The following ADAMTSL2 variants were observed in gnomAD, a reference collection of about 807,000 sequenced individuals.
ADAMTSL2 encodes the protein ADAMTS-like protein 2.
A neutral mutation model predicts 117.0 loss-of-function variants in ADAMTSL2; 55 were observed. The observed-to-expected ratio is 0.47, with a 90% CI of 0.38 to 0.59. ADAMTSL2 has a LOEUF of 0.59. Among genes scored for constraint, ADAMTSL2 ranks in the 20% least tolerant of loss-of-function variants. The probability of loss-of-function intolerance (pLI) is 0.00; values close to 1 mark genes in which losing one functional copy is unlikely to be tolerated. For missense variants in ADAMTSL2, 1,182 were observed against 1,354.5 expected (o/e 0.87, Z 2.00); for synonymous variants, 572 against 566.4 (o/e 1.01, Z -0.14).
chr9:133,555,701 C>G lies in ADAMTSL2; in HGVS notation c.1420C>G (p.Leu474Val). ...AGGCTCTGACTTGAAGGACTTCACC[C>G]TCAATGAGACTGTGAACAGCATCTT... ...GAGSDLKDFTLNETVNSIFAQ... is the reference protein window; with the variant it reads ...GAGSDLKDFTVNETVNSIFAQ... The change falls in exon 11 of 19, where the codon CTC (leucine) becomes GTC (valine). Residue 474 changes from leucine to valine, a missense_variant. This residue lies in a region of ADAMTSL2 where 345 missense variants were observed against 325.8 expected (regional missense o/e 1.06). Transcript: ENST00000651351. The G allele has an allele frequency of 1.2e-6, 2 of 1,613,996 alleles. No individual in the cohort carries two copies. Among genetic ancestry groups the G allele is most frequent in the Non-Finnish European group, 1.7e-6 (2 of 1,180,040 alleles).
rs1466894186 is a variant in ADAMTSL2 at position 133,555,981 on chromosome 9, G to A, written c.1649+51G>A. On this transcript the variant is annotated intron_variant, in intron 11 of 18. Transcript: ENST00000651351. ...TCCAGGGCCCTCAGGGGGCAGGATG[G>A]GGCCGAGGCCAGGTAGAAAGTGAGG... is the stretch of plus-strand genomic sequence containing the variant. 4.7e-5 allele frequency: 75 copies of A among 1,594,064 alleles called. No individual in the cohort carries two copies. In the Middle Eastern group the frequency reaches 6.6e-4, roughly 14 times the overall value.
rs113918663 is a variant in ADAMTSL2, at chr9:133,541,292, C to CTTT, written c.682+303_682+305dup. ...CTGCAGGGAGGTGTTAACAATGCAC[C>CTTT]TTTTTTTTTTTTTTGAGACAGAGTC... On this transcript the variant is annotated intron_variant, in intron 7 of 18. Transcript: ENST00000651351. Among the ~76,000 whole-genome samples, 10,938 of 143,718 alleles carry CTTT rather than the reference C, an allele frequency of 0.076. 580 individuals are homozygous for CTTT. Among genetic ancestry groups the CTTT allele is most frequent in the Non-Finnish European group, 0.12 (8,000 of 65,360 alleles). 94.3% of individuals were successfully genotyped at this position (143,718 alleles called of 152,430 possible). A position where few individuals can be genotyped will look rare whatever the true frequency, so the allele number is the denominator to read the frequency against.
chr9:133,561,937 C>T (rs898613933), intron 12 of ADAMTSL2, among the ~76,000 whole-genome samples: 93 of 152,256 alleles, frequency 6.1e-4, no homozygotes, highest in Non-Finnish European at 1.2e-3. Flanking sequence ...TGGGGGATGC[C>T]GCGAGGTCTG....
At chr9:133,564,463 GGA>G (rs1830888397) in intron 12 of ADAMTSL2, among the ~76,000 whole-genome samples, 3 of 7,904 alleles carry the variant, frequency 3.8e-4, no homozygotes, top group African/African-American at 1.7e-3. Context: ...AGGGAGAGAG[GGA>G]GAGAGAGAGA....
intron 7 of ADAMTSL2, among the ~76,000 whole-genome samples, chr9:133,543,508 A>G (rs530015968): frequency 1.3e-4 from 20 of 152,316 alleles, no homozygotes; most frequent in African/African-American, 4.8e-4. Flanking sequence ...TGTGTCTCCA[A>G]AGAGCCCACT....
intron 11 of ADAMTSL2, among the ~76,000 whole-genome samples, chr9:133,559,807 C>T (rs767010060): frequency 4.6e-5 from 7 of 152,158 alleles, no homozygotes; most frequent in Admixed American, 2.0e-4. Flanking sequence ...GCCCCCAGCC[C>T]GCAGCCCTTC....
chr9:133,534,919 T>C lies in ADAMTSL2; in HGVS notation c.-151+2T>C, dbSNP rs1432091144. 4.3e-6 allele frequency: 6 copies of C among 1,393,148 alleles called. No individual in the cohort carries two copies. Among genetic ancestry groups the C allele is most frequent in the Non-Finnish European group, 5.6e-6 (6 of 1,066,640 alleles). 86.3% of individuals were successfully genotyped at this position (1,393,148 alleles called of 1,614,324 possible). On this transcript the variant is annotated splice_donor_variant, in intron 1 of 18. Coordinates refer to ENST00000651351, the MANE Select transcript of ADAMTSL2 (RefSeq NM_014694.4). LOFTEE classifies it low-confidence loss of function (5UTR_SPLICE). ...GACAACCTGCTGACCCGAAGCCAGG[T>C]AGGCCACCTCGTCCCCGTCCCCCTC...
intron 7 of ADAMTSL2, among the ~76,000 whole-genome samples, chr9:133,543,658 C>T (rs73553595): frequency 0.021 from 3,189 of 152,338 alleles, 114 homozygotes; most frequent in African/African-American, 0.072. Flanking sequence ...GGGAGATGCA[C>T]GCGGAATCCT....
Position 133,554,210 on chromosome 9 carries a change from G to C in ADAMTSL2, c.940-147G>C. On this transcript the variant is annotated intron_variant, in intron 9 of 18. Coordinates refer to ENST00000651351, the MANE Select transcript of ADAMTSL2 (RefSeq NM_014694.4). This position sits in a 1 kb window ranked among gnomAD's most constrained non-coding sequence, Gnocchi z 5.2. ...CCCCTGGGGCAGGAGCACTGCGTTG[G>C]GCTGGGCTAGTCAGTGTCATTCCCT... is the stretch of plus-strand genomic sequence containing the variant. 1.4e-6 allele frequency: 1 copy of C among 739,718 alleles called. No individual in the cohort carries two copies. The allele number at this position is 739,718 out of a possible 1,614,324, so 45.8% of individuals were successfully genotyped here.
chr9:133,544,418 C>A, intron 7 of ADAMTSL2, 52 bp from the exon 8 acceptor site: 1 of 1,494,202 alleles, frequency 6.7e-7, no homozygotes, highest in Non-Finnish European at 9.3e-7. Context: ...GAGTGCCACC[C>A]AAGGCTGCCT....
rs953137105 is a variant in ADAMTSL2, at chr9:133,570,466, G to A, written c.2551G>A (p.Glu851Lys). Reference protein sequence around the residue: ...KKPPEESTCFERPCFKWYTSP... With the variant: ...KKPPEESTCFKRPCFKWYTSP... Reference sequence around the variant, plus strand: ...GCCTCCCGAGGAGAGCACGTGTTTCGAGAGGCCCTGCTTCAAGTGGTACAC... The same window carrying A: ...GCCTCCCGAGGAGAGCACGTGTTTCAAGAGGCCCTGCTTCAAGTGGTACAC... Residue 851 changes from glutamate to lysine, a missense_variant, in exon 17 of 19, where the codon GAG (glutamate) becomes AAG (lysine). Transcript: ENST00000651351. 32 of 1,611,440 alleles carry A rather than the reference G, an allele frequency of 2.0e-5. No homozygotes were observed. The highest frequency in any genetic ancestry group is 1.6e-4 in the Middle Eastern group (1 of 6,078).
rs1236518340 is a variant in ADAMTSL2 at position 133,575,213 on chromosome 9, C to T, written c.*349C>T. The T allele has an allele frequency of 5.0e-5, 17 of 337,810 alleles. 1 individual carries two copies. The highest frequency in any genetic ancestry group is 1.2e-4 in the South Asian group (4 of 32,720). 20.9% of individuals were successfully genotyped at this position (337,810 alleles called of 1,614,324 possible). A position where few individuals can be genotyped will look rare whatever the true frequency, so the allele number is the denominator to read the frequency against. On this transcript the variant is annotated 3_prime_UTR_variant, in exon 19 of 19. Transcript: ENST00000651351. The stretch of plus-strand genomic sequence containing the variant: ...AGCCAGCGGTGGAGGTGTCTTGCTC[C>T]GGGCCCGTAGCCCACGCCCTCTCTG...
At chr9:133,544,410 G>C (rs1404078091) in intron 7 of ADAMTSL2, 60 bp from the exon 8 acceptor site, 4 of 1,416,394 alleles carry the variant, frequency 2.8e-6, no homozygotes, top group East Asian at 2.3e-5. Flanking sequence ...GAGTGGGCGA[G>C]TGCCACCCAA....
chr9:133,547,796 C>T (rs571232832), intron 9 of ADAMTSL2, among the ~76,000 whole-genome samples: 2 of 152,332 alleles, frequency 1.3e-5, no homozygotes, highest in African/African-American at 2.4e-5. Flanking sequence ...CTGCCCCTCC[C>T]CTGACATGGC....
At chr9:133,540,136 C>T (rs1321580440) in intron 5 of ADAMTSL2, among the ~76,000 whole-genome samples, 2 of 152,206 alleles carry the variant, frequency 1.3e-5, no homozygotes, top group African/African-American at 4.8e-5. Flanking sequence ...GTGACTTGCT[C>T]ACTTACTTAC....
chr9:133,555,588 G>C lies in ADAMTSL2; in HGVS notation c.1307G>C (p.Gly436Ala). ...AACGTCACGGGGACTCCTCTCACCGGGGACAAGGATGACGAAGAGGTTGAC... is the reference window on the plus strand; with the variant it reads ...AACGTCACGGGGACTCCTCTCACCGCGGACAAGGATGACGAAGAGGTTGAC... ...DRNVTGTPLTGDKDDEEVDTH... is the reference protein window; with the variant it reads ...DRNVTGTPLTADKDDEEVDTH... The change falls in exon 11 of 19, where the codon GGG becomes GCG. Residue 436 changes from glycine (G) to alanine (A), a missense_variant. Gly to Ala is a moderately conservative substitution (Grantham distance 60, BLOSUM62 0). This residue lies in a region of ADAMTSL2 where 345 missense variants were observed against 325.8 expected (regional missense o/e 1.06). Coordinates refer to ENST00000651351, the MANE Select transcript of ADAMTSL2 (RefSeq NM_014694.4). 1.2e-6 allele frequency: 2 copies of C among 1,613,212 alleles called. No individual in the cohort carries two copies. The highest frequency in any genetic ancestry group is 1.7e-6 in the Non-Finnish European group (2 of 1,180,040).
At chr9:133,568,855 A>T (rs1057210443) in intron 15 of ADAMTSL2, 97 bp downstream of exon 15, 4 of 1,511,446 alleles carry the variant, frequency 2.6e-6, no homozygotes, top group Non-Finnish European at 3.6e-6. Context: ...TTCCGAGGCA[A>T]GGGTGTGAGG....
chr9:133,566,179 C>T (rs111435291), intron 12 of ADAMTSL2, among the ~76,000 whole-genome samples: 3 of 152,304 alleles, frequency 2.0e-5, no homozygotes, highest in African/African-American at 7.2e-5. Flanking sequence ...CGGTGGCTCA[C>T]GCATGTAATC....
At chr9:133,567,838 G>A (rs1017338381) in intron 13 of ADAMTSL2, among the ~76,000 whole-genome samples, 2 of 152,206 alleles carry the variant, frequency 1.3e-5, no homozygotes, top group Admixed American at 6.5e-5. Context: ...GAAGACTTCC[G>A]GGTCTCACTC....
Sources: allele counts gnomAD v4.1 joint callset (sites outside exome capture counted in the v4.1 genomes callset), GRCh38; gene constraint gnomAD v4.1.1; regional missense constraint gnomAD v4.1.1; non-coding constraint Gnocchi (gnomAD v3.1); transcripts MANE v1.5; gene names NCBI Gene and HGNC (gene_info 2026-07-23, HGNC 2026-07-21).